OLFM3: variants seen among roughly 807,000 people sequenced by gnomAD.
The protein encoded by OLFM3 is noelin-3.
Under a neutral mutation model 48.6 loss-of-function variants are expected in OLFM3, and 20 were observed. The ratio of observed to expected loss-of-function variants is 0.41; its 90% CI spans 0.29 to 0.60. OLFM3 has a LOEUF of 0.60. Ranked by LOEUF, OLFM3 falls within the 20% of genes least tolerant of loss-of-function variation. The pLI, the probability that OLFM3 is intolerant of heterozygous loss-of-function variation, is 0.28. For missense variants in OLFM3, 437 were observed against 544.3 expected (o/e 0.80, Z 1.96); for synonymous variants, 222 against 198.1 (o/e 1.12, Z -1.01).
chr1:101,852,727 C>A (rs777627497), intron 1 of OLFM3, among the ~76,000 whole-genome samples: 18 of 152,046 alleles, frequency 1.2e-4, no homozygotes, highest in Non-Finnish European at 2.4e-4. Context: ...AAATAAACAA[C>A]AACAAAAATA....
chr1:101,933,201 CAAAAAAAAAAAAAAAAA>C (rs761881274), intron 1 of OLFM3, among the ~76,000 whole-genome samples: 1 of 40,124 alleles, frequency 2.5e-5, no homozygotes, highest in East Asian at 7.8e-4. Context: ...GACTCCATCT[CAAAAAAAAAAAAAAAAA>C]AAAAAAAAAA....
At chr1:101,966,460 A>AAAGGG (rs1660613034) in intron 1 of OLFM3, among the ~76,000 whole-genome samples, 1 of 152,172 alleles carries the variant, frequency 6.6e-6, no homozygotes. Flanking sequence ...GGCGTGAGCC[A>AAAGGG]CTGTGTCGGG....
At chr1:101,956,163 T>C (rs1324107649) in intron 1 of OLFM3, among the ~76,000 whole-genome samples, 1 of 151,144 alleles carries the variant, frequency 6.6e-6, no homozygotes, top group African/African-American at 2.4e-5. Flanking sequence ...CCAACATTTT[T>C]CTATACCAGT....
At chr1:101,904,539 T>C (rs949672068) in intron 1 of OLFM3, among the ~76,000 whole-genome samples, 1 of 152,038 alleles carries the variant, frequency 6.6e-6, no homozygotes, top group Non-Finnish European at 1.5e-5. Context: ...TGTTTATCCT[T>C]TAATATGTGG....
chr1:101,872,494 A>G (rs900024026), intron 1 of OLFM3, among the ~76,000 whole-genome samples: 5 of 152,034 alleles, frequency 3.3e-5, no homozygotes, highest in African/African-American at 1.2e-4. Context: ...TAAGTGCTAT[A>G]CTTTTCCTTA....
chr1:101,818,232 C>G (rs1654428877), intron 4 of OLFM3, among the ~76,000 whole-genome samples: 1 of 151,958 alleles, frequency 6.6e-6, no homozygotes, highest in African/African-American at 2.4e-5. Context: ...ACAATTCCTA[C>G]TTGACTTTGG....
At chr1:101,958,216 G>A (rs1367651284) in intron 1 of OLFM3, among the ~76,000 whole-genome samples, 1 of 152,046 alleles carries the variant, frequency 6.6e-6, no homozygotes, top group Non-Finnish European at 1.5e-5. Context: ...TATTAATTGT[G>A]TCCACTGTTT....
In OLFM3 at chr1:101,985,182, C is replaced by T. The variant is rs577118739; in HGVS notation, c.69+11566G>A. ...TGCTTCTTTTTCTGATTCTGGGCCT[C>T]CAGCCTTCCTCTTAAAAGGACCATT... On this transcript the variant is annotated intron_variant, in intron 1 of 5. Transcript: ENST00000370103. 2.5e-4 allele frequency among the ~76,000 whole-genome samples: 38 copies of T among 152,274 alleles called. No individual in the cohort carries two copies. In the South Asian group the frequency reaches 3.7e-3, roughly 15 times the overall value.
At chr1:101,834,130 C>T (rs1297665238) in intron 2 of OLFM3, among the ~76,000 whole-genome samples, 1 of 152,098 alleles carries the variant, frequency 6.6e-6, no homozygotes, top group Admixed American at 6.5e-5. Flanking sequence ...AAATGGCAAA[C>T]AGAGCATCAC....
chr1:101,849,482 G>T (rs1465196595), intron 1 of OLFM3, among the ~76,000 whole-genome samples: 1 of 152,200 alleles, frequency 6.6e-6, no homozygotes, highest in East Asian at 1.9e-4. Context: ...TCACCCAAAA[G>T]TGTTTGGACT....
At chr1:101,944,577 C>T (rs1046620781) in intron 1 of OLFM3, among the ~76,000 whole-genome samples, 2 of 152,076 alleles carry the variant, frequency 1.3e-5, no homozygotes, top group African/African-American at 4.8e-5. Flanking sequence ...GACATTCAAC[C>T]TGCCATTAAT....
intron 4 of OLFM3, among the ~76,000 whole-genome samples, chr1:101,807,803 G>C (rs1653851999): frequency 6.6e-6 from 1 of 151,736 alleles, no homozygotes; most frequent in Non-Finnish European, 1.5e-5. Context: ...AGTAAAACTG[G>C]ACCAATAATT....
chr1:101,862,099 T>C (rs1470587382), intron 1 of OLFM3, among the ~76,000 whole-genome samples: 1 of 152,216 alleles, frequency 6.6e-6, no homozygotes, highest in Admixed American at 6.5e-5. Flanking sequence ...AAGTGGACTC[T>C]GGATTCTGTT....
rs1263142544 is a variant in OLFM3, at chr1:101,996,874, C to A, written c.-58G>T. On this transcript the variant is annotated 5_prime_UTR_variant, in exon 1 of 6. Transcript: ENST00000370103. ...TTTTATGTAGGCTCTCCACTCACTG[C>A]AGAGACCTTTCCCTCGTCAGTTGCA... 6.4e-7 allele frequency: 1 copy of A among 1,557,278 alleles called. No homozygotes were observed. The highest frequency in any genetic ancestry group is 8.8e-7 in the Non-Finnish European group (1 of 1,133,544).
intron 1 of OLFM3, among the ~76,000 whole-genome samples, chr1:101,906,002 ACAT>A (rs1207087373): frequency 2.0e-5 from 3 of 152,142 alleles, no homozygotes; most frequent in Non-Finnish European, 2.9e-5. Flanking sequence ...TCATTTTCTC[ACAT>A]CTCTTCCCTT....
chr1:101,904,090 T>C (rs1570616765), intron 1 of OLFM3, among the ~76,000 whole-genome samples: 1 of 152,086 alleles, frequency 6.6e-6, no homozygotes, highest in Non-Finnish European at 1.5e-5. Context: ...CTAGAGAATA[T>C]GGGCAATTGT....
intron 4 of OLFM3, among the ~76,000 whole-genome samples, chr1:101,822,200 AC>A (rs1654638703): frequency 6.6e-6 from 1 of 152,240 alleles, no homozygotes; most frequent in South Asian, 2.1e-4. Flanking sequence ...ATATAGAACT[AC>A]CCAACTGCAG....
chr1:101,932,647 C>CA (rs1432973529), intron 1 of OLFM3, among the ~76,000 whole-genome samples: 2 of 151,968 alleles, frequency 1.3e-5, no homozygotes, highest in Admixed American at 1.3e-4. Context: ...CAAAACAAAA[C>CA]AAAAAACATG....
At chr1:101,938,992 A>C (rs767438994) in intron 1 of OLFM3, among the ~76,000 whole-genome samples, 48 of 152,090 alleles carry the variant, frequency 3.2e-4, no homozygotes, top group Non-Finnish European at 6.9e-4. Context: ...TTTTTGTTCC[A>C]TAGTCTTAAT....
Sources: allele counts gnomAD v4.1 joint callset (sites outside exome capture counted in the v4.1 genomes callset), GRCh38; gene constraint gnomAD v4.1.1; transcripts MANE v1.5; gene names NCBI Gene and HGNC (gene_info 2026-07-23, HGNC 2026-07-21).